PTPN2: variants seen among roughly 807,000 people sequenced by gnomAD.
PTPN2 encodes the protein tyrosine-protein phosphatase non-receptor type 2.
Under a neutral mutation model 57.3 loss-of-function variants are expected in PTPN2, and 19 were observed. The observed-to-expected ratio is 0.33, with a 90% confidence interval of 0.23 to 0.49. PTPN2 has a LOEUF of 0.49. PTPN2 is among the 20% of genes least tolerant of loss of function. The probability of loss-of-function intolerance (pLI) is 0.99; values close to 1 mark genes in which losing one functional copy is unlikely to be tolerated. For synonymous variants in PTPN2, 153 were observed against 164.9 expected (o/e 0.93, Z 0.55); for missense variants, 358 against 501.1 (o/e 0.71, Z 2.73).
intron 5 of PTPN2, chr18:12,819,429 T>C (rs1471656027): frequency 7.5e-6 from 3 of 401,560 alleles, no homozygotes; most frequent in Non-Finnish European, 8.8e-6. Flanking sequence ...TATGACATTC[T>C]GGAAAAGGCA....
chr18:12,875,825 A>C (rs1172530852), intron 1 of PTPN2, among the ~76,000 whole-genome samples: 9 of 152,218 alleles, frequency 5.9e-5, no homozygotes, highest in Non-Finnish European at 4.4e-5. Flanking sequence ...CAAGGTAGCT[A>C]AAAGAACAGC....
At position 12,801,469 on chromosome 18, in the gene PTPN2, G is replaced by A. The variant is rs116295482; in HGVS notation, c.1040+501C>T. Among the ~76,000 whole-genome samples, 701 of 151,692 alleles carry A rather than the reference G, an allele frequency of 4.6e-3. 3 individuals are homozygous for A. Among genetic ancestry groups the A allele is most frequent in the African/African-American group, 0.016 (642 of 41,324 alleles). On this transcript the variant is annotated intron_variant, in intron 8 of 8. Coordinates refer to ENST00000309660, the MANE Select transcript of PTPN2 (RefSeq NM_002828.4). ...GTGGAGCAGCTAAGGTTGTGCCACC[G>A]CACTCTAGCCTGGGTGACAGAGAAA...
At chr18:12,808,116 G>A (rs948367406) in intron 7 of PTPN2, among the ~76,000 whole-genome samples, 9 of 151,942 alleles carry the variant, frequency 5.9e-5, no homozygotes, top group African/African-American at 1.9e-4. Flanking sequence ...CCAGGAGGCG[G>A]AGGCTACAGT....
intron 1 of PTPN2, among the ~76,000 whole-genome samples, chr18:12,874,804 T>C (rs2044430269): frequency 6.6e-6 from 1 of 151,866 alleles, no homozygotes; most frequent in Non-Finnish European, 1.5e-5. Context: ...GTCTGGGAGG[T>C]GTGCCCAACA....
At position 12,884,199 on chromosome 18, in the gene PTPN2, C is replaced by T; in HGVS notation, c.-58G>A. On this transcript the variant is annotated 5_prime_UTR_variant, in exon 1 of 9. Coordinates refer to ENST00000309660, the MANE Select transcript of PTPN2 (RefSeq NM_002828.4). ...TGCGCCGGCGGAGAGGCTCAGGCCC[C>T]GCACGATCCGGGGAGAGCGCTGGCG... 3.5e-6 allele frequency: 5 copies of T among 1,412,414 alleles called. No homozygotes were observed. The highest frequency in any genetic ancestry group is 4.8e-6 in the Non-Finnish European group (5 of 1,045,574). 87.5% of individuals were successfully genotyped at this position (1,412,414 alleles called of 1,614,324 possible). A position where few individuals can be genotyped will look rare whatever the true frequency, so the allele number is the denominator to read the frequency against.
chr18:12,838,247 T>C (rs1275003471), intron 2 of PTPN2, among the ~76,000 whole-genome samples: 2 of 152,152 alleles, frequency 1.3e-5, no homozygotes, highest in Non-Finnish European at 2.9e-5. Flanking sequence ...CTCATATCTA[T>C]TGCACAACTG....
intron 1 of PTPN2, among the ~76,000 whole-genome samples, chr18:12,865,900 T>A (rs2043975588): frequency 6.6e-6 from 1 of 151,886 alleles, no homozygotes; most frequent in Admixed American, 6.6e-5. Context: ...AGTTAACATA[T>A]GAACTAGCTA....
chr18:12,819,340 T>C (rs867182802), intron 5 of PTPN2: 9 of 768,810 alleles, frequency 1.2e-5, no homozygotes, highest in African/African-American at 9.1e-5. Flanking sequence ...TTTCTACGCT[T>C]TAAGACATTT....
chr18:12,805,324 G>A (rs867878307), intron 7 of PTPN2, among the ~76,000 whole-genome samples: 1 of 151,960 alleles, frequency 6.6e-6, no homozygotes, highest in Non-Finnish European at 1.5e-5. Flanking sequence ...GGGTGTGGTG[G>A]TGCATGCCTG....
chr18:12,789,682 T>C (rs28676870), downstream of PTPN2, among the ~76,000 whole-genome samples: 10,505 of 152,170 alleles, frequency 0.069, 587 homozygotes, highest in East Asian at 0.14. Flanking sequence ...GTGCACCTGC[T>C]AGAAAAACAG....
intron 1 of PTPN2, among the ~76,000 whole-genome samples, chr18:12,879,286 G>C (rs924528937): frequency 6.6e-6 from 1 of 152,140 alleles, no homozygotes. Context: ...TTACAGGGAT[G>C]AGCCACCGCC....
At chr18:12,836,099 T>A (rs1226165079) in intron 3 of PTPN2, among the ~76,000 whole-genome samples, 1 of 152,260 alleles carries the variant, frequency 6.6e-6, no homozygotes, top group Non-Finnish European at 1.5e-5. Context: ...TTATGGTATA[T>A]CTTTTGAATA....
intron 2 of PTPN2, among the ~76,000 whole-genome samples, chr18:12,845,940 A>C (rs2043190891): frequency 6.6e-6 from 1 of 152,214 alleles, no homozygotes; most frequent in African/African-American, 2.4e-5. Context: ...TTCAAGTTCT[A>C]CCAACTGTCC....
chr18:12,856,384 G>A (rs2043590254), intron 2 of PTPN2, among the ~76,000 whole-genome samples: 1 of 152,156 alleles, frequency 6.6e-6, no homozygotes, highest in Non-Finnish European at 1.5e-5. Context: ...AGGAGAACAT[G>A]GCTTACTAGG....
chr18:12,862,196 T>C (rs2043834248), intron 1 of PTPN2: 1 of 151,958 alleles, frequency 6.6e-6, no homozygotes. Flanking sequence ...TCTTACTCTG[T>C]TGCCCAGGCT....
chr18:12,814,440 G>A, intron 6 of PTPN2, 85 bp from the exon 7 acceptor site: 1 of 1,198,006 alleles, frequency 8.3e-7, no homozygotes, highest in African/African-American at 1.5e-5. Flanking sequence ...TAAGATTTTT[G>A]CTATGCATTT....
chr18:12,793,943 C>G lies in PTPN2; in HGVS notation c.*335G>C. On this transcript the variant is annotated 3_prime_UTR_variant, in exon 9 of 9. Transcript: ENST00000309660. The stretch of plus-strand genomic sequence containing the variant: ...CAAGTGCAGGTTAAAATCCAGATAG[C>G]CTCCAAAAACAAATCCTGTGATAAA... The G allele has an allele frequency of 8.8e-7, 1 of 1,139,612 alleles. No individual in the cohort carries two copies. 70.6% of individuals were successfully genotyped at this position (1,139,612 alleles called of 1,614,324 possible).
At chr18:12,837,246 C>A (rs569949375) in intron 2 of PTPN2, among the ~76,000 whole-genome samples, 24 of 152,210 alleles carry the variant, frequency 1.6e-4, no homozygotes, top group Admixed American at 5.2e-4. Context: ...ATTGGTCTAC[C>A]TACAAAACGA....
intron 5 of PTPN2, 80 bp downstream of exon 5, chr18:12,825,730 C>A: frequency 7.2e-7 from 1 of 1,387,562 alleles, no homozygotes; most frequent in Non-Finnish European, 9.8e-7. Context: ...ATGTGCTTAT[C>A]AAACTTCAAA....
Sources: gnomAD v4.1 joint callset for allele counts (sites outside exome capture counted in the v4.1 genomes callset) on GRCh38, gnomAD v4.1.1 for gene constraint, MANE v1.5 for transcripts, NCBI Gene and HGNC (gene_info 2026-07-23, HGNC 2026-07-21) for gene names.